The following ANGPT1 variants were observed in gnomAD, a reference collection of about 807,000 sequenced individuals.
ANGPT1 encodes the protein angiopoietin 1.
In ANGPT1, 17 loss-of-function variants were observed where a neutral mutation model predicts 62.2. That is an observed-to-expected ratio of 0.27 (90% CI 0.19 to 0.41). The LOEUF (loss-of-function observed/expected upper bound fraction) is 0.41. Ranked by LOEUF, ANGPT1 falls within the 10% of genes least tolerant of loss-of-function variation. The pLI, the probability that ANGPT1 is intolerant of heterozygous loss-of-function variation, is 1.00. For synonymous variants in ANGPT1, 199 were observed against 198.9 expected (o/e 1.00, Z 0.00); for missense variants, 478 against 594.9 (o/e 0.80, Z 2.04).
intron 1 of ANGPT1, among the ~76,000 whole-genome samples, chr8:107,391,793 C>A (rs147434934): frequency 7.0e-4 from 107 of 152,280 alleles, no homozygotes; most frequent in African/African-American, 2.4e-3. Flanking sequence ...TGTTCAGTAA[C>A]CTGTAACCAC....
chr8:107,390,977 T>C (rs1345965250), intron 1 of ANGPT1, among the ~76,000 whole-genome samples: 12 of 152,180 alleles, frequency 7.9e-5, no homozygotes, highest in Admixed American at 7.9e-4. Context: ...ATTAAAACTC[T>C]GAGCCTTGTG....
intron 4 of ANGPT1, among the ~76,000 whole-genome samples, chr8:107,321,103 G>A (rs1815139779): frequency 6.6e-6 from 1 of 152,064 alleles, no homozygotes; most frequent in South Asian, 2.1e-4. Context: ...GCTCTACTGA[G>A]GCTCACTAGA....
chr8:107,494,837 A>G (rs1262753728), intron 1 of ANGPT1: 1 of 152,226 alleles, frequency 6.6e-6, no homozygotes, highest in African/African-American at 2.4e-5. Context: ...CTTTCCTGAT[A>G]GCGATGCCAT....
At chr8:107,268,406 T>TTGTGTGTGTGTGTGTG (rs10655133) in intron 7 of ANGPT1, among the ~76,000 whole-genome samples, 3 of 144,558 alleles carry the variant, frequency 2.1e-5, no homozygotes, top group African/African-American at 7.6e-5. Flanking sequence ...ACATGTAGGG[T>TTGTGTGTGTGTGTGTG]TGTGTGTGTG....
intron 6 of ANGPT1, among the ~76,000 whole-genome samples, chr8:107,286,590 T>C (rs905638273): frequency 7.9e-5 from 12 of 152,122 alleles, no homozygotes; most frequent in Non-Finnish European, 1.6e-4. Context: ...TACTGTTATA[T>C]TTAAAGTTAA....
chr8:107,282,542 C>A (rs369935615), intron 7 of ANGPT1, among the ~76,000 whole-genome samples: 4 of 80,626 alleles, frequency 5.0e-5, no homozygotes, highest in South Asian at 8.4e-4. Flanking sequence ...ATATATATTA[C>A]ATATATGAAC....
chr8:107,312,805 A>T (rs1440352507), intron 4 of ANGPT1, among the ~76,000 whole-genome samples: 6 of 152,166 alleles, frequency 3.9e-5, no homozygotes, highest in Non-Finnish European at 5.9e-5. Context: ...GCAATCTGAC[A>T]GCAGAGCTGG....
At chr8:107,314,682 T>C (rs1181943901) in intron 4 of ANGPT1, among the ~76,000 whole-genome samples, 1 of 152,202 alleles carries the variant, frequency 6.6e-6, no homozygotes, top group Non-Finnish European at 1.5e-5. Flanking sequence ...ATTTCCCTCA[T>C]TAAATGGAAA....
chr8:107,274,565 T>G lies in ANGPT1; in HGVS notation c.1205+10117A>C, dbSNP rs144027975. ...AAAGATAAAAGAAGCTAGAGTTTAA[T>G]AGTTCTAGAAAATAAATCTTATTTA... On this transcript the variant is annotated intron_variant, in intron 7 of 8. Coordinates refer to ENST00000517746, the MANE Select transcript of ANGPT1 (RefSeq NM_001146.5). 5.4e-3 allele frequency among the ~76,000 whole-genome samples: 817 copies of G among 152,256 alleles called. 13 individuals carry two copies. The highest frequency in any genetic ancestry group is 0.019 in the African/African-American group (786 of 41,564).
At chr8:107,372,261 C>T (rs902905103) in intron 1 of ANGPT1, among the ~76,000 whole-genome samples, 1 of 151,822 alleles carries the variant, frequency 6.6e-6, no homozygotes, top group African/African-American at 2.4e-5. Flanking sequence ...TCAAATATTG[C>T]CAAATGTCCA....
chr8:107,339,799 C>T (rs1339322642), intron 2 of ANGPT1, among the ~76,000 whole-genome samples: 1 of 152,092 alleles, frequency 6.6e-6, no homozygotes, highest in African/African-American at 2.4e-5. Flanking sequence ...AGGCTTGAGT[C>T]ATGGTCACAG....
At chr8:107,490,932 G>T (rs75115547) in intron 1 of ANGPT1, among the ~76,000 whole-genome samples, 2 of 152,188 alleles carry the variant, frequency 1.3e-5, no homozygotes, top group Non-Finnish European at 2.9e-5. Context: ...CCTTGATAGA[G>T]AGGATGGAAA....
intron 1 of ANGPT1, among the ~76,000 whole-genome samples, chr8:107,430,600 C>T (rs1213036117): frequency 6.6e-6 from 1 of 152,156 alleles, no homozygotes; most frequent in Non-Finnish European, 1.5e-5. Flanking sequence ...ATTAAATCAT[C>T]CAGGTAAGCC....
At chr8:107,360,620 C>T (rs1816142210) in intron 1 of ANGPT1, among the ~76,000 whole-genome samples, 1 of 152,180 alleles carries the variant, frequency 6.6e-6, no homozygotes, top group Non-Finnish European at 1.5e-5. Flanking sequence ...TAGTTATCCA[C>T]AGCCCATACC....
At chr8:107,336,688 AG>A (rs1318668562) in intron 2 of ANGPT1, among the ~76,000 whole-genome samples, 23 of 132,548 alleles carry the variant, frequency 1.7e-4, no homozygotes, top group African/African-American at 7.3e-4. Context: ...AAAAAAAAAA[AG>A]GTTTACATTC....
chr8:107,442,368 T>A (rs530462412), intron 1 of ANGPT1, among the ~76,000 whole-genome samples: 2 of 152,064 alleles, frequency 1.3e-5, no homozygotes, highest in East Asian at 3.9e-4. Flanking sequence ...TGCACTCACA[T>A]TTTCTTATGT....
intron 1 of ANGPT1, among the ~76,000 whole-genome samples, chr8:107,351,226 A>C (rs1219471030): frequency 6.6e-6 from 1 of 152,068 alleles, no homozygotes; most frequent in African/African-American, 2.4e-5. Flanking sequence ...ATGACAAACA[A>C]TAAATGATTA....
chr8:107,481,402 C>T (rs993320206), intron 1 of ANGPT1, among the ~76,000 whole-genome samples: 4 of 151,564 alleles, frequency 2.6e-5, no homozygotes, highest in Non-Finnish European at 4.4e-5. Flanking sequence ...GGCGCGGTGG[C>T]GGGCTCCTGT....
intron 1 of ANGPT1, among the ~76,000 whole-genome samples, chr8:107,469,499 C>A (rs903183645): frequency 6.6e-6 from 1 of 151,934 alleles, no homozygotes; most frequent in Admixed American, 6.6e-5. Flanking sequence ...CCTTGGAGAA[C>A]AAATTGTTAT....
Sources: allele counts gnomAD v4.1 joint callset (sites outside exome capture counted in the v4.1 genomes callset), GRCh38; gene constraint gnomAD v4.1.1; transcripts MANE v1.5; gene names NCBI Gene and HGNC (gene_info 2026-07-23, HGNC 2026-07-21).